The following SLC22A3 variants were observed in gnomAD, a reference collection of about 807,000 sequenced individuals.
SLC22A3 encodes EMT organic cation transporter 3.
In SLC22A3, 51 loss-of-function variants were observed where a neutral mutation model predicts 59.1. The observed-to-expected ratio is 0.86, with a 90% CI of 0.69 to 1.09. SLC22A3 has a LOEUF of 1.09. Ranked by LOEUF, SLC22A3 falls within the 50% of genes least tolerant of loss-of-function variation. The probability of loss-of-function intolerance (pLI) is 0.00; values close to 1 mark genes in which losing one functional copy is unlikely to be tolerated. For synonymous variants in SLC22A3, 325 were observed against 292.0 expected, an observed-to-expected ratio of 1.11 and a Z score of -1.15; for missense variants, 711 against 726.3, an observed-to-expected ratio of 0.98 and a Z score of 0.24.
intron 5 of SLC22A3, among the ~76,000 whole-genome samples, chr6:160,417,662 C>A (rs190658271): frequency 6.6e-6 from 1 of 152,192 alleles, no homozygotes; most frequent in African/African-American, 2.4e-5. Context: ...AATGATATTG[C>A]TTTGGCCTCA....
At position 160,410,758 on chromosome 6, in the gene SLC22A3, TTACTCGGAAG is replaced by T. The variant is rs1195072390; in HGVS notation, c.888_897del (p.Thr297LysfsTer9). On this transcript the variant is annotated frameshift_variant, in exon 5 of 11. Transcript: ENST00000275300. LOFTEE classifies it high-confidence loss of function. ...GTCCCTGAGTCTCCCCGTTGGCTGA[TTACTCGGAAG>T]AAAGGAGATAAAGCATTACAGATCC... 4 of 1,613,222 alleles carry T rather than the reference TTACTCGGAAG, an allele frequency of 2.5e-6. No individual in the cohort carries two copies. The East Asian group carries it at 6.7e-5, about 27-fold the overall frequency.
intron 5 of SLC22A3, among the ~76,000 whole-genome samples, chr6:160,427,922 T>A (rs1788021570): frequency 6.6e-6 from 1 of 152,228 alleles, no homozygotes. Flanking sequence ...TTGGCATAGA[T>A]GCTGCTGGAG....
In SLC22A3 at chr6:160,348,623, G is replaced by A. The variant is rs769378803; in HGVS notation, c.204G>A (p.Glu68=). The change falls in exon 1 of 11, where the codon GAG becomes GAA. Residue 68 remains glutamate (E), a synonymous_variant. Coordinates refer to ENST00000275300, the MANE Select transcript of SLC22A3 (RefSeq NM_021977.4). The part of the protein sequence containing the change: ...ALAERCGWSP[E]EEWNRTAPAS... ...CCGAGCGCTGCGGCTGGAGCCCGGA[G>A]GAGGAGTGGAACCGCACGGCGCCCG... is the stretch of plus-strand genomic sequence containing the variant. The A allele has an allele frequency of 6.6e-7, 1 of 1,504,266 alleles. No homozygotes were observed. Among genetic ancestry groups the A allele is most frequent in the Non-Finnish European group, 8.8e-7 (1 of 1,134,256 alleles). 93.2% of individuals were successfully genotyped at this position (1,504,266 alleles called of 1,614,324 possible). A position where few individuals can be genotyped will look rare whatever the true frequency, so the allele number is the denominator to read the frequency against.
intron 2 of SLC22A3, among the ~76,000 whole-genome samples, chr6:160,406,686 G>A (rs1351343309): frequency 2.6e-5 from 4 of 152,148 alleles, no homozygotes; most frequent in Non-Finnish European, 5.9e-5. Context: ...AGGCCTTCTG[G>A]CCATAACACA....
At chr6:160,441,645 G>GAACAC (rs1388066866) in intron 7 of SLC22A3, among the ~76,000 whole-genome samples, 1 of 144,024 alleles carries the variant, frequency 6.9e-6, no homozygotes, top group Non-Finnish European at 1.5e-5. Flanking sequence ...TCTCTAGAGA[G>GAACAC]AACACACAGA....
chr6:160,413,255 CT>C (rs1427993455), intron 5 of SLC22A3, among the ~76,000 whole-genome samples: 3 of 152,170 alleles, frequency 2.0e-5, no homozygotes, highest in Admixed American at 1.3e-4. Flanking sequence ...ACTGACCCAG[CT>C]TTATTCATGA....
chr6:160,418,326 T>G (rs552713684), intron 5 of SLC22A3, among the ~76,000 whole-genome samples: 1 of 152,312 alleles, frequency 6.6e-6, no homozygotes, highest in Admixed American at 6.5e-5. Flanking sequence ...TGCACTTACA[T>G]GAGTGGTTTG....
chr6:160,375,959 A>T (rs1012620606), intron 1 of SLC22A3, among the ~76,000 whole-genome samples: 1 of 152,098 alleles, frequency 6.6e-6, no homozygotes, highest in African/African-American at 2.4e-5. Context: ...TAGAATGAGG[A>T]TAATAATCAT....
At chr6:160,367,773 G>A (rs1304288011) in intron 1 of SLC22A3, among the ~76,000 whole-genome samples, 1 of 152,158 alleles carries the variant, frequency 6.6e-6, no homozygotes, top group Non-Finnish European at 1.5e-5. Flanking sequence ...CGGGTGCTGG[G>A]ACACTGCCAT....
intron 10 of SLC22A3, among the ~76,000 whole-genome samples, chr6:160,448,289 G>C (rs1788820585): frequency 6.6e-6 from 1 of 152,108 alleles, no homozygotes; most frequent in Admixed American, 6.5e-5. Flanking sequence ...TAAAACCAAA[G>C]GTGTTTTCTC....
intron 7 of SLC22A3, among the ~76,000 whole-genome samples, chr6:160,442,132 G>A (rs1486447959): frequency 6.6e-6 from 1 of 152,226 alleles, no homozygotes; most frequent in African/African-American, 2.4e-5. Context: ...ATTGATGAAT[G>A]TGGCTCCTTC....
rs545351547 is a variant in SLC22A3, at chr6:160,412,053, A to T, written c.975+1207A>T. Among the ~76,000 whole-genome samples, 3 of 152,258 alleles carry T rather than the reference A, an allele frequency of 2.0e-5. No individual in the cohort carries two copies. The South Asian group carries it at 6.2e-4, about 32-fold the overall frequency. On this transcript the variant is annotated intron_variant, in intron 5 of 10. Transcript: ENST00000275300. ...GATTTCACAGGAACCTTCTGATAAG[A>T]ACGTTCTGATAAGAACTGGGTTTTG...
At chr6:160,448,017 T>C (rs945582101) in intron 10 of SLC22A3, among the ~76,000 whole-genome samples, 199 bp downstream of exon 10, 1 of 152,132 alleles carries the variant, frequency 6.6e-6, no homozygotes, top group Middle Eastern at 3.2e-3. Context: ...AGAGTATGCA[T>C]TGTTTTTTTT....
intron 7 of SLC22A3, among the ~76,000 whole-genome samples, chr6:160,439,595 T>C (rs1788474244): frequency 6.6e-6 from 1 of 152,228 alleles, no homozygotes; most frequent in African/African-American, 2.4e-5. Context: ...AATTCTTTCA[T>C]ATATTGGAAA....
Position 160,349,070 on chromosome 6 carries a change from C to A in SLC22A3, c.429+222C>A, listed in dbSNP as rs1194484542. 3.0e-6 allele frequency: 3 copies of A among 985,332 alleles called. No individual in the cohort carries two copies. The East Asian group carries it at 3.4e-4, about 112-fold the overall frequency. The allele number at this position is 985,332 out of a possible 1,614,324, so 61.0% of individuals were successfully genotyped here. A position where few individuals can be genotyped will look rare whatever the true frequency, so the allele number is the denominator to read the frequency against. ...ATCTGCCTGAGCCCGTGAGTTAATG[C>A]ACAGATACTTTGGTTTCGGGTGTGA... On this transcript the variant is annotated intron_variant, in intron 1 of 10. Transcript: ENST00000275300.
intron 5 of SLC22A3, among the ~76,000 whole-genome samples, chr6:160,423,406 C>A (rs1787827502): frequency 3.9e-5 from 6 of 152,210 alleles, no homozygotes; most frequent in Admixed American, 3.9e-4. Context: ...GGAATCGCCA[C>A]ACTGTCTTCC....
At chr6:160,408,613 G>C (rs1231231899) in intron 3 of SLC22A3, 140 bp from the exon 4 acceptor site, 2 of 720,002 alleles carry the variant, frequency 2.8e-6, no homozygotes, top group Admixed American at 2.6e-5. Flanking sequence ...CTTTCTGCAA[G>C]TGTGGAAGCC....
chr6:160,416,558 T>G (rs1425495029), intron 5 of SLC22A3, among the ~76,000 whole-genome samples: 1 of 152,084 alleles, frequency 6.6e-6, no homozygotes, highest in Non-Finnish European at 1.5e-5. Context: ...TTCAGGAGCA[T>G]CCACAATCAT....
intron 9 of SLC22A3, 27 bp from the exon 10 acceptor site, chr6:160,447,692 C>A: frequency 6.3e-7 from 1 of 1,592,550 alleles, no homozygotes; most frequent in Non-Finnish European, 8.6e-7. Context: ...CTTCCTGGAG[C>A]GGTAACACCT....
Sources: allele counts gnomAD v4.1 joint callset (sites outside exome capture counted in the v4.1 genomes callset), GRCh38; gene constraint gnomAD v4.1.1; transcripts MANE v1.5; gene names NCBI Gene and HGNC (gene_info 2026-07-23, HGNC 2026-07-21).